GPHN: variants seen among roughly 807,000 people sequenced by gnomAD.
GPHN encodes the protein gephyrin.
In GPHN, 17 loss-of-function variants were observed where a neutral mutation model predicts 95.5. The ratio of observed to expected loss-of-function variants is 0.18; its 90% CI spans 0.12 to 0.27. The LOEUF (loss-of-function observed/expected upper bound fraction) is 0.27, where lower values mean the gene tolerates loss of function less well. GPHN is among the 10% of genes least tolerant of loss of function. GPHN has a pLI of 1.00. For missense variants in GPHN, 660 were observed against 978.1 expected, an observed-to-expected ratio of 0.67 and a Z score of 4.34; for synonymous variants, 320 against 322.5, an observed-to-expected ratio of 0.99 and a Z score of 0.08.
chr14:66,739,555 G>T, intron 2 of GPHN, among the ~76,000 whole-genome samples: 1 of 148,088 alleles, frequency 6.8e-6, no homozygotes. Context: ...AACCATCAAT[G>T]GAAGGAAAAA....
At chr14:67,398,135 C>T in the GPHN span, 1 of 242,646 alleles carries the variant, frequency 4.1e-6, no homozygotes, top group Non-Finnish European at 7.8e-6. Context: ...TATTGTATTT[C>T]CTTCCGGTCT....
At chr14:66,745,134 A>G (rs772675020) in intron 2 of GPHN, among the ~76,000 whole-genome samples, 1 of 152,064 alleles carries the variant, frequency 6.6e-6, no homozygotes, top group African/African-American at 2.4e-5. Flanking sequence ...TTTTGCTGCT[A>G]TTGTTATACT....
chr14:66,669,358 C>G (rs534707387), intron 1 of GPHN, among the ~76,000 whole-genome samples: 2 of 128,902 alleles, frequency 1.6e-5, no homozygotes, highest in African/African-American at 7.3e-5. Context: ...GAGTGAAACT[C>G]TGTCTCAAAA....
At chr14:66,829,549 G>T (rs1275895202) in intron 4 of GPHN, among the ~76,000 whole-genome samples, 1 of 152,100 alleles carries the variant, frequency 6.6e-6, no homozygotes, top group Non-Finnish European at 1.5e-5. Flanking sequence ...TCCAAAAAAG[G>T]TATTATTACA....
the GPHN span, among the ~76,000 whole-genome samples, chr14:67,419,373 A>C: frequency 6.6e-6 from 1 of 152,128 alleles, no homozygotes; most frequent in Admixed American, 6.5e-5. Context: ...GCTGGTCATC[A>C]AAATCACCTG....
At chr14:67,690,564 A>G in the GPHN span, 2 of 673,300 alleles carry the variant, frequency 3.0e-6, no homozygotes, top group Admixed American at 2.7e-5. Context: ...CTAGAAAACA[A>G]GTTTAATGAA....
At chr14:67,527,745 C>T in the GPHN span, among the ~76,000 whole-genome samples, 1 of 152,200 alleles carries the variant, frequency 6.6e-6, no homozygotes, top group South Asian at 2.1e-4. Flanking sequence ...ATGGCAGCCA[C>T]GAAGGTCCTG....
chr14:67,113,193 G>A, intron 16 of GPHN, 22 bp downstream of exon 16: 1 of 1,601,726 alleles, frequency 6.2e-7, no homozygotes, highest in Non-Finnish European at 8.6e-7. Context: ...AAAAATGGAG[G>A]GAGTGGGGAG....
the GPHN span, among the ~76,000 whole-genome samples, chr14:67,608,028 A>G: frequency 0.43 from 65,404 of 151,596 alleles, 18,196 homozygotes; most frequent in African/African-American, 0.8. Context: ...CTTGAGCCCG[A>G]GAGTTTGAGA....
chr14:66,902,105 TC>T (rs1488783156), intron 5 of GPHN, among the ~76,000 whole-genome samples: 37 of 152,202 alleles, frequency 2.4e-4, no homozygotes, highest in African/African-American at 8.7e-4. Flanking sequence ...TTGAATTGAT[TC>T]CTAGTTATTT....
At chr14:67,434,416 T>A in the GPHN span, among the ~76,000 whole-genome samples, 1 of 152,232 alleles carries the variant, frequency 6.6e-6, no homozygotes, top group African/African-American at 2.4e-5. Flanking sequence ...TGCAGTATTA[T>A]TCAAATAGAA....
the GPHN span, among the ~76,000 whole-genome samples, chr14:67,681,278 G>C: frequency 6.6e-6 from 1 of 152,220 alleles, no homozygotes; most frequent in Admixed American, 6.5e-5. Flanking sequence ...CTTGATCTTG[G>C]ACTTTCAGTC....
At chr14:66,794,511 G>A (rs1176583238) in intron 3 of GPHN, among the ~76,000 whole-genome samples, 1 of 152,050 alleles carries the variant, frequency 6.6e-6, no homozygotes, top group Non-Finnish European at 1.5e-5. Context: ...AATACACATG[G>A]AAACAACAAA....
At chr14:66,919,190 T>C (rs1385639432) in intron 6 of GPHN, among the ~76,000 whole-genome samples, 1 of 152,242 alleles carries the variant, frequency 6.6e-6, no homozygotes, top group Non-Finnish European at 1.5e-5. Flanking sequence ...TTTAGCTCTC[T>C]GGACAAAATA....
chr14:67,521,902 C>T, the GPHN span, among the ~76,000 whole-genome samples: 3 of 152,160 alleles, frequency 2.0e-5, no homozygotes, highest in Non-Finnish European at 2.9e-5. Flanking sequence ...TTAAGCCGGG[C>T]ACGGTGGCTC....
chr14:67,248,651 G>T, the GPHN span, among the ~76,000 whole-genome samples: 12 of 152,212 alleles, frequency 7.9e-5, no homozygotes, highest in South Asian at 2.5e-3. Context: ...ACAACTTTCG[G>T]TAAGTATTTT....
chr14:66,699,082 A>C (rs1179478900), intron 2 of GPHN, among the ~76,000 whole-genome samples: 1 of 152,244 alleles, frequency 6.6e-6, no homozygotes, highest in African/African-American at 2.4e-5. Context: ...TTTAAACTTA[A>C]CTGCAGAGAA....
At chr14:67,096,066 G>T (rs1053412222) in intron 12 of GPHN, among the ~76,000 whole-genome samples, 33 of 150,048 alleles carry the variant, frequency 2.2e-4, no homozygotes, top group African/African-American at 7.6e-4. Flanking sequence ...TGATTTGCAT[G>T]CACATTAACT....
chr14:67,494,750 G>T, the GPHN span, among the ~76,000 whole-genome samples: 2 of 152,166 alleles, frequency 1.3e-5, no homozygotes, highest in Admixed American at 1.3e-4. Context: ...ATCCAACAGA[G>T]GAACACAGAA....
Sources: allele counts gnomAD v4.1 joint callset (sites outside exome capture counted in the v4.1 genomes callset), GRCh38; gene constraint gnomAD v4.1.1; transcripts MANE v1.5; gene names NCBI Gene and HGNC (gene_info 2026-07-23, HGNC 2026-07-21).